Variants in BTD observed in about 807,000 individuals in gnomAD.
BTD encodes the protein biocytinase.
A neutral mutation model predicts 17.7 loss-of-function variants in BTD; 13 were observed. That is an observed-to-expected ratio of 0.74 (90% CI 0.48 to 1.17). The LOEUF (loss-of-function observed/expected upper bound fraction) is 1.17. Ranked by LOEUF, BTD falls within the 50% of genes most tolerant of loss-of-function variation. The probability of loss-of-function intolerance (pLI) is 0.00; values close to 1 mark genes in which losing one functional copy is unlikely to be tolerated. For missense variants in BTD, 674 were observed against 650.4 expected (o/e 1.04, Z -0.39); for synonymous variants, 240 against 245.2 (o/e 0.98, Z 0.20).
chr3:15,602,041 T>A (rs2064272953), intron 1 of BTD, 147 bp downstream of exon 1: 1 of 1,480,092 alleles, frequency 6.8e-7, no homozygotes, highest in Non-Finnish European at 9.0e-7. Context: ...TTGCTGGGGC[T>A]GTTTGTGCGT....
At chr3:15,688,588 T>C (rs550909864) in intron 3 of BTD, among the ~76,000 whole-genome samples, 3 of 152,362 alleles carry the variant, frequency 2.0e-5, no homozygotes, top group Admixed American at 6.5e-5. Flanking sequence ...CTGATAGCTT[T>C]GAAGGGCGGC....
exon 4 of BTD, among the ~76,000 whole-genome samples, chr3:15,710,797 AG>A (rs1322686164): frequency 6.6e-6 from 1 of 152,142 alleles, no homozygotes; most frequent in Non-Finnish European, 1.5e-5. Context: ...TTCCTAGTAG[AG>A]GTAAGACACA....
chr3:15,660,009 A>G (rs907471540), intron 3 of BTD, among the ~76,000 whole-genome samples: 7 of 152,240 alleles, frequency 4.6e-5, no homozygotes, highest in African/African-American at 9.6e-5. Context: ...CATAAACCCA[A>G]TGGAAAATAT....
chr3:15,609,161 C>T (rs1343830132), intron 1 of BTD, among the ~76,000 whole-genome samples: 1 of 152,064 alleles, frequency 6.6e-6, no homozygotes, highest in African/African-American at 2.4e-5. Flanking sequence ...TTATTCTTTT[C>T]ACTTCAAAAA....
At chr3:15,601,572 CG>C (rs1378897334), upstream of BTD, 1 of 1,597,728 alleles carries the variant, frequency 6.3e-7, no homozygotes, top group South Asian at 1.1e-5. Context: ...GCACCTCTGA[CG>C]GACAGGAGGG....
chr3:15,679,729 G>A (rs1309189058), intron 3 of BTD, among the ~76,000 whole-genome samples: 11 of 152,224 alleles, frequency 7.2e-5, no homozygotes, highest in Non-Finnish European at 1.5e-4. Flanking sequence ...GCCACCAGTA[G>A]TTCCTGAAAA....
At chr3:15,713,767 T>C, downstream of BTD, 1 of 513,072 alleles carries the variant, frequency 1.9e-6, no homozygotes, top group Admixed American at 3.8e-5. Flanking sequence ...TAACTAGATT[T>C]CATTCATAGC....
exon 4 of BTD, chr3:15,712,286 A>G (rs1219042177): frequency 2.3e-6 from 3 of 1,306,326 alleles, no homozygotes; most frequent in African/African-American, 2.9e-5. Flanking sequence ...TCAGTTAAAT[A>G]CATTACAAAG....
chr3:15,703,666 T>C (rs2070942159), intron 3 of BTD, among the ~76,000 whole-genome samples: 1 of 152,196 alleles, frequency 6.6e-6, no homozygotes, highest in African/African-American at 2.4e-5. Context: ...GTTTTTGGTA[T>C]TTTGTTATAC....
upstream of BTD, chr3:15,601,401 A>G (rs1280175364): frequency 6.2e-7 from 1 of 1,614,096 alleles, no homozygotes; most frequent in African/African-American, 1.3e-5. Flanking sequence ...TCAGGGCCTG[A>G]GCGATGACTT....
rs200884349 is a variant in BTD at position 15,601,837 on chromosome 3, G to T, written c.-74G>T. The stretch of plus-strand genomic sequence containing the variant: ...GTCGGCCAGCTGGAGCGTTTTCGGG[G>T]CTGTAAAGGGAGAATGGCGCATGCG... On this transcript the variant is annotated 5_prime_UTR_variant, in exon 1 of 4. Coordinates refer to ENST00000643237, the MANE Select transcript of BTD (RefSeq NM_001370658.1). 1 of 1,614,106 alleles carries T rather than the reference G, an allele frequency of 6.2e-7. No individual in the cohort carries two copies. The highest frequency in any genetic ancestry group is 8.5e-7 in the Non-Finnish European group (1 of 1,180,054).
At chr3:15,716,002 T>C (rs2072973504), downstream of BTD, among the ~76,000 whole-genome samples, 1 of 151,946 alleles carries the variant, frequency 6.6e-6, no homozygotes, top group Admixed American at 6.6e-5. Context: ...CTCTTTTTTT[T>C]TTTTGAGACT....
chr3:15,696,328 G>A (rs2069547257), intron 3 of BTD: 3 of 889,438 alleles, frequency 3.4e-6, no homozygotes, highest in Non-Finnish European at 3.4e-6. Context: ...ATTAAAAACT[G>A]ACAATTTTTC....
At chr3:15,657,157 C>A (rs143868182), downstream of BTD, among the ~76,000 whole-genome samples, 21 of 152,316 alleles carry the variant, frequency 1.4e-4, no homozygotes, top group African/African-American at 4.8e-4. Flanking sequence ...GAAGAGGAAG[C>A]TGCCAATTTC....
chr3:15,719,543 T>C (rs2073463024), intron 4 of BTD, among the ~76,000 whole-genome samples: 2 of 152,326 alleles, frequency 1.3e-5, no homozygotes, highest in African/African-American at 2.4e-5. Flanking sequence ...TATAAAATTA[T>C]ATAGTGAAAG....
intron 1 of BTD, among the ~76,000 whole-genome samples, chr3:15,619,534 CT>C (rs1259127112): frequency 7.2e-5 from 11 of 152,180 alleles, no homozygotes; most frequent in African/African-American, 2.4e-4. Flanking sequence ...TGTATAATTT[CT>C]TCTATGGATT....
At chr3:15,700,692 TG>T (rs1490085305) in intron 3 of BTD, among the ~76,000 whole-genome samples, 2 of 152,126 alleles carry the variant, frequency 1.3e-5, no homozygotes, top group Non-Finnish European at 2.9e-5. Context: ...GAGAATTGCT[TG>T]AACTCAGGAG....
chr3:15,635,126 A>G lies in BTD; in HGVS notation c.-16-298A>G, dbSNP rs1040373041. Among the ~76,000 whole-genome samples the G allele has an allele frequency of 1.3e-5, 2 of 152,246 alleles. No individual in the cohort carries two copies. The highest frequency in any genetic ancestry group is 2.9e-5 in the Non-Finnish European group (2 of 68,042). On this transcript the variant is annotated intron_variant, in intron 1 of 3. Coordinates refer to ENST00000643237, the MANE Select transcript of BTD (RefSeq NM_001370658.1). This position sits in a 1 kb window ranked among gnomAD's most constrained non-coding sequence, Gnocchi z 4.1. Reference sequence around the variant, plus strand: ...TAAGTGCACAGCTAGAAAAGTGGGTAGTGACGCACTACAGTCTTGCTGAAC... The same window carrying G: ...TAAGTGCACAGCTAGAAAAGTGGGTGGTGACGCACTACAGTCTTGCTGAAC...
intron 3 of BTD, among the ~76,000 whole-genome samples, chr3:15,692,193 T>C (rs1044325631): frequency 1.4e-5 from 2 of 146,868 alleles, no homozygotes; most frequent in African/African-American, 5.0e-5. Context: ...CACTCACACC[T>C]ATATCTCAGC....
Sources: allele counts gnomAD v4.1 joint callset (sites outside exome capture counted in the v4.1 genomes callset), GRCh38; gene constraint gnomAD v4.1.1; non-coding constraint Gnocchi (gnomAD v3.1); transcripts MANE v1.5; gene names NCBI Gene and HGNC (gene_info 2026-07-23, HGNC 2026-07-21).